The following GTF2E2 variants were observed in gnomAD, a reference collection of about 807,000 sequenced individuals.
GTF2E2 encodes general transcription factor IIE subunit 2.
A neutral mutation model predicts 40.5 loss-of-function variants in GTF2E2; 21 were observed. That is an observed-to-expected ratio of 0.52 (90% CI 0.37 to 0.75). The LOEUF (loss-of-function observed/expected upper bound fraction) is 0.75, where lower values mean the gene tolerates loss of function less well. Ranked by LOEUF, GTF2E2 falls within the 30% of genes least tolerant of loss-of-function variation. The pLI, the probability that GTF2E2 is intolerant of heterozygous loss-of-function variation, is 0.00. For synonymous variants in GTF2E2, 117 were observed against 121.6 expected (o/e 0.96, Z 0.25); for missense variants, 298 against 338.4 (o/e 0.88, Z 0.94).
intron 3 of GTF2E2, among the ~76,000 whole-genome samples, chr8:30,615,608 T>A (rs1800898377): frequency 6.6e-6 from 1 of 152,088 alleles, no homozygotes; most frequent in South Asian, 2.1e-4. Context: ...GACAAATTAA[T>A]AAGTTAAAAA....
At chr8:30,650,097 A>C (rs1185775709) in intron 2 of GTF2E2, among the ~76,000 whole-genome samples, 1 of 152,184 alleles carries the variant, frequency 6.6e-6, no homozygotes, top group Admixed American at 6.5e-5. Flanking sequence ...TCGTTTAAGG[A>C]GGCCAGAATT....
chr8:30,584,013 A>C (rs1828597787), intron 6 of GTF2E2, among the ~76,000 whole-genome samples: 1 of 150,952 alleles, frequency 6.6e-6, no homozygotes, highest in East Asian at 1.9e-4. Context: ...TCACCGTGTT[A>C]TCCAGGATGG....
At chr8:30,614,831 A>G (rs545759902) in intron 3 of GTF2E2, 116 bp from the exon 4 acceptor site, 2 of 625,046 alleles carry the variant, frequency 3.2e-6, no homozygotes, top group Non-Finnish European at 5.6e-6. Flanking sequence ...TCCAGGTAGC[A>G]TAATTATAGT....
chr8:30,625,886 A>G (rs1006429727), intron 3 of GTF2E2, among the ~76,000 whole-genome samples: 2 of 152,160 alleles, frequency 1.3e-5, no homozygotes, highest in East Asian at 3.9e-4. Flanking sequence ...GGCGTGAGCC[A>G]CCGTGCCCAG....
intron 3 of GTF2E2, among the ~76,000 whole-genome samples, chr8:30,623,804 T>C (rs1020233256): frequency 1.3e-5 from 2 of 152,176 alleles, no homozygotes; most frequent in Non-Finnish European, 2.9e-5. Context: ...GTTGGCTGCA[T>C]AAATGTCTTC....
chr8:30,585,264 C>T (rs1828643063), intron 6 of GTF2E2: 1 of 152,118 alleles, frequency 6.6e-6, no homozygotes, highest in African/African-American at 2.4e-5. Context: ...TAATAAAGCA[C>T]CGAAAATAAT....
In GTF2E2 at chr8:30,635,177, G is replaced by C. The variant is rs896729313; in HGVS notation, c.167-54C>G. ...CATATTATGTGTGATTATGACTCTT[G>C]AGCAGCTAAAATAATTTTAATGCTG... is the stretch of plus-strand genomic sequence containing the variant. On this transcript the variant is annotated intron_variant, in intron 2 of 7. Transcript: ENST00000355904. The C allele has an allele frequency of 3.1e-6, 3 of 963,188 alleles. No individual in the cohort carries two copies. The African/African-American group carries it at 4.9e-5, about 16-fold the overall frequency. 59.7% of individuals were successfully genotyped at this position (963,188 alleles called of 1,614,324 possible).
intron 6 of GTF2E2, among the ~76,000 whole-genome samples, chr8:30,604,962 A>G (rs1404751434): frequency 6.6e-6 from 1 of 152,228 alleles, no homozygotes; most frequent in East Asian, 1.9e-4. Context: ...AAGAGCACAC[A>G]AGGGCCAGAA....
At chr8:30,591,368 T>C (rs1049133897) in intron 6 of GTF2E2, among the ~76,000 whole-genome samples, 1 of 151,978 alleles carries the variant, frequency 6.6e-6, no homozygotes, top group African/African-American at 2.4e-5. Context: ...CCTGTTGCCC[T>C]AGCTACTCAG....
At position 30,623,064 on chromosome 8, in the gene GTF2E2, G is replaced by GTTA. The variant is rs572428743; in HGVS notation, c.259-8350_259-8349insTAA. ...AATCACAAGGGTATTGACTGGGGAAGTGATAAGTGCCCATGAAATCTTCAC... is the reference window on the plus strand; with the variant it reads ...AATCACAAGGGTATTGACTGGGGAAGTTATGATAAGTGCCCATGAAATCTTCAC... On this transcript the variant is annotated intron_variant, in intron 3 of 7. Coordinates refer to ENST00000355904, the MANE Select transcript of GTF2E2 (RefSeq NM_002095.6). Among the ~76,000 whole-genome samples the GTTA allele has an allele frequency of 5.3e-5, 8 of 152,238 alleles. No individual in the cohort carries two copies. The East Asian group carries it at 1.2e-3, about 22-fold the overall frequency.
intron 1 of GTF2E2, among the ~76,000 whole-genome samples, chr8:30,653,899 G>A (rs1391059389): frequency 6.6e-6 from 1 of 152,020 alleles, no homozygotes; most frequent in Admixed American, 6.6e-5. Context: ...GACCAGCCTG[G>A]ACAACATGGT....
At position 30,608,329 on chromosome 8, in the gene GTF2E2, CAGAAGATTATCACA is replaced by C. The variant is rs549112315; in HGVS notation, c.550-1193_550-1180del. 1.3e-3 allele frequency among the ~76,000 whole-genome samples: 198 copies of C among 152,288 alleles called. 2 individuals carry two copies. Among genetic ancestry groups the C allele is most frequent in the South Asian group, 0.012 (59 of 4,830 alleles). On this transcript the variant is annotated intron_variant, in intron 5 of 7. Transcript: ENST00000355904. Reference sequence around the variant, plus strand: ...ACAATATTCTCATCCCGTTATTCACCAGAAGATTATCACACAGTATTTTGTGAAAAGAATCTTTA... The same window carrying C: ...ACAATATTCTCATCCCGTTATTCACCCAGTATTTTGTGAAAAGAATCTTTA...
chr8:30,630,241 T>G (rs1003847036), intron 3 of GTF2E2, among the ~76,000 whole-genome samples: 1 of 152,194 alleles, frequency 6.6e-6, no homozygotes, highest in Non-Finnish European at 1.5e-5. Context: ...CAGGAGCTGG[T>G]GAGATGAGGT....
intron 6 of GTF2E2, among the ~76,000 whole-genome samples, chr8:30,588,557 A>G (rs1828749339): frequency 6.6e-6 from 1 of 152,222 alleles, no homozygotes; most frequent in South Asian, 2.1e-4. Context: ...GATGGCTACT[A>G]GAGGCTAGGA....
At chr8:30,624,087 A>G (rs1563494627) in intron 3 of GTF2E2, among the ~76,000 whole-genome samples, 1 of 152,120 alleles carries the variant, frequency 6.6e-6, no homozygotes, top group Non-Finnish European at 1.5e-5. Context: ...GTCCTTGCCC[A>G]TGCCTATGTC....
At chr8:30,652,404 CA>C (rs1197046436) in intron 2 of GTF2E2, among the ~76,000 whole-genome samples, 3 of 146,820 alleles carry the variant, frequency 2.0e-5, no homozygotes, top group Admixed American at 6.8e-5. Flanking sequence ...TTTTTATGGG[CA>C]AAAAAAAATT....
chr8:30,612,340 C>T lies in GTF2E2; in HGVS notation c.508G>A (p.Asp170Asn), dbSNP rs1470806625. The change falls in exon 5 of 8, where the codon GAC (aspartate) becomes AAC (asparagine). Residue 170 changes from aspartate (D) to asparagine (N), a missense_variant. Physicochemically the swap from Asp to Asn is conservative, Grantham distance 23. Coordinates refer to ENST00000355904, the MANE Select transcript of GTF2E2 (RefSeq NM_002095.6). ...GAATTGGGCAGTGCTTCTTCTATGTCTTCTAAAAGAATTCCTCCTAATCCT... is the reference window on the plus strand; with the variant it reads ...GAATTGGGCAGTGCTTCTTCTATGTTTTCTAAAAGAATTCCTCCTAATCCT... Reference protein sequence around the residue: ...QRGLGGILLEDIEEALPNSQK... With the variant: ...QRGLGGILLENIEEALPNSQK... 1.2e-6 allele frequency: 2 copies of T among 1,613,054 alleles called. No individual in the cohort carries two copies. The highest frequency in any genetic ancestry group is 1.7e-6 in the Non-Finnish European group (2 of 1,179,110).
chr8:30,646,495 A>T (rs1802080897), intron 2 of GTF2E2, among the ~76,000 whole-genome samples: 1 of 152,148 alleles, frequency 6.6e-6, no homozygotes, highest in African/African-American at 2.4e-5. Context: ...GAGCAAACAA[A>T]AGCATGCTCT....
At chr8:30,594,269 C>CT (rs1828932418) in intron 6 of GTF2E2, among the ~76,000 whole-genome samples, 2 of 146,732 alleles carry the variant, frequency 1.4e-5, no homozygotes, top group Non-Finnish European at 3.0e-5. Context: ...CTTTTTTTTT[C>CT]TTTTTTTAGA....
Sources: allele counts gnomAD v4.1 joint callset (sites outside exome capture counted in the v4.1 genomes callset), GRCh38; gene constraint gnomAD v4.1.1; transcripts MANE v1.5; gene names NCBI Gene and HGNC (gene_info 2026-07-23, HGNC 2026-07-21).